Variants in TEP1 observed in about 807,000 individuals in gnomAD.
The protein encoded by TEP1 is telomerase protein component 1.
Under a neutral mutation model 306.3 loss-of-function variants are expected in TEP1, and 241 were observed. The observed-to-expected ratio is 0.79, with a 90% confidence interval of 0.71 to 0.88. The LOEUF (loss-of-function observed/expected upper bound fraction) is 0.88, where lower values mean the gene tolerates loss of function less well. Among genes scored for constraint, TEP1 ranks in the 40% least tolerant of loss-of-function variants. The pLI is 0.00. For missense variants in TEP1, 3,051 were observed against 3,276.1 expected (o/e 0.93, Z 1.68); for synonymous variants, 1,289 against 1,305.5 (o/e 0.99, Z 0.27).
intron 1 of TEP1, among the ~76,000 whole-genome samples, chr14:20,410,006 G>A (rs1321569038): frequency 1.1e-5 from 1 of 93,750 alleles, no homozygotes; most frequent in Non-Finnish European, 2.0e-5. Flanking sequence ...GGGCGACAGA[G>A]CAAGACTCTG....
intron 51 of TEP1, among the ~76,000 whole-genome samples, chr14:20,370,881 T>G (rs1007737143): frequency 6.6e-6 from 1 of 152,220 alleles, no homozygotes; most frequent in African/African-American, 2.4e-5. Context: ...CTGCTAAGTA[T>G]GATGACAAAA....
rs1194836455 is a variant in TEP1, at chr14:20,380,283, T to C, written c.4955A>G (p.His1652Arg). The C allele has an allele frequency of 1.9e-6, 3 of 1,614,154 alleles. No homozygotes were observed. ...SLLSRRWHLQ[H>R]TLRWLNKPRT... Reference sequence around the variant, plus strand: ...GGGTTTATTAAGCCATCGTAGTGTGTGTTGGAGGTGCCATCTCCGGGAGAG... The same window carrying C: ...GGGTTTATTAAGCCATCGTAGTGTGCGTTGGAGGTGCCATCTCCGGGAGAG... Residue 1652 changes from histidine to arginine, a missense_variant, in exon 34 of 55, where the codon CAC becomes CGC. By Grantham distance (29) the His-to-Arg change is conservative. Around this residue, in one of 3 missense-constraint regions of TEP1, gnomAD observed 1,540 missense variants for 1,705.9 expected, o/e 0.90. Transcript: ENST00000262715.
Position 20,378,317 on chromosome 14 carries a change from G to A in TEP1, c.5508+63C>T, listed in dbSNP as rs111273734. The A allele has an allele frequency of 5.9e-4, 953 of 1,611,382 alleles. 5 individuals carry two copies. The African/African-American group carries it at 0.011, about 18-fold the overall frequency. On this transcript the variant is annotated intron_variant, in intron 38 of 54. Transcript: ENST00000262715. ...GTGACCCAGAATGCTGCTGTCTGTC[G>A]TCTGCCACCCTCCACTCCTGTCCTC... is the stretch of plus-strand genomic sequence containing the variant.
At chr14:20,372,063 T>A (rs1424502087) in intron 49 of TEP1, among the ~76,000 whole-genome samples, 1 of 152,220 alleles carries the variant, frequency 6.6e-6, no homozygotes, top group Non-Finnish European at 1.5e-5. Flanking sequence ...GTTCTCTTTA[T>A]AAAATCCAGA....
chr14:20,382,586 A>C, intron 28 of TEP1, 37 bp downstream of exon 28: 1 of 1,607,298 alleles, frequency 6.2e-7, no homozygotes, highest in Non-Finnish European at 8.5e-7. Flanking sequence ...GAGAATGGGA[A>C]GTAGTGATTA....
rs1285757810 is a variant in TEP1, at chr14:20,380,368, G to C, written c.4870C>G (p.Leu1624Val). 1.2e-6 allele frequency: 2 copies of C among 1,614,224 alleles called. No homozygotes were observed. The highest frequency in any genetic ancestry group is 1.7e-6 in the Non-Finnish European group (2 of 1,180,044). Residue 1624 changes from leucine to valine, a missense_variant, in exon 34 of 55, where the codon CTG becomes GTG. Leu to Val is a conservative substitution (Grantham distance 32, BLOSUM62 1). Around this residue, in one of 3 missense-constraint regions of TEP1, gnomAD observed 1,540 missense variants for 1,705.9 expected, o/e 0.90. Coordinates refer to ENST00000262715, the MANE Select transcript of TEP1 (RefSeq NM_007110.5). ...GGCTGGTTGGCTGCCTGCTGGGGCA[G>C]GAGCCGGGGGTACTGGCTGAGGATT... ...ASILSQYPRLLPQQAANQPLD... is the reference protein window; with the variant it reads ...ASILSQYPRLVPQQAANQPLD...
intron 12 of TEP1, among the ~76,000 whole-genome samples, chr14:20,393,814 G>A (rs1877947126): frequency 6.6e-6 from 1 of 151,552 alleles, no homozygotes; most frequent in Non-Finnish European, 1.5e-5. Context: ...AGGGTGCTTA[G>A]CTAATGCCTA....
chr14:20,396,163 C>G (rs1878190867), intron 10 of TEP1, among the ~76,000 whole-genome samples: 1 of 152,142 alleles, frequency 6.6e-6, no homozygotes, highest in South Asian at 2.1e-4. Context: ...AGAAGGAGCC[C>G]CGTTTCTTTT....
chr14:20,404,668 A>G lies in TEP1; in HGVS notation c.975T>C (p.Tyr325=). The change falls in exon 5 of 55, where the codon TAT becomes TAC. Residue 325 remains tyrosine, a synonymous_variant. Coordinates refer to ENST00000262715, the MANE Select transcript of TEP1 (RefSeq NM_007110.5). ...LPACRPHLRR[Y]FCAIVQLPSD... Reference sequence around the variant, plus strand: ...AAGGCAGCTGGACAATGGCACAGAAATATCGTCGCAGGTGGGGGCGACACG... The same window carrying G: ...AAGGCAGCTGGACAATGGCACAGAAGTATCGTCGCAGGTGGGGGCGACACG... 1 of 1,614,212 alleles carries G rather than the reference A, an allele frequency of 6.2e-7. No homozygotes were observed. Among genetic ancestry groups the G allele is most frequent in the Non-Finnish European group, 8.5e-7 (1 of 1,180,032 alleles).
chr14:20,393,375 C>G (rs184653018), intron 12 of TEP1, among the ~76,000 whole-genome samples: 1 of 152,100 alleles, frequency 6.6e-6, no homozygotes, highest in Admixed American at 6.5e-5. Flanking sequence ...GTAGTCTTCC[C>G]AGCACTATCC....
intron 2 of TEP1, among the ~76,000 whole-genome samples, chr14:20,407,425 C>T (rs1192545279): frequency 6.6e-6 from 1 of 152,190 alleles, no homozygotes; most frequent in Non-Finnish European, 1.5e-5. Flanking sequence ...GTGACACAAT[C>T]TCGCCTCCCG....
chr14:20,400,868 C>G, intron 9 of TEP1, 116 bp downstream of exon 9: 1 of 1,303,930 alleles, frequency 7.7e-7, no homozygotes, highest in South Asian at 1.5e-5. Flanking sequence ...TCAAATACAA[C>G]AACCAGGCAA....
intron 20 of TEP1, 98 bp from the exon 21 acceptor site, chr14:20,385,207 C>T (rs1877028124): frequency 1.4e-6 from 2 of 1,468,904 alleles, no homozygotes; most frequent in Non-Finnish European, 1.9e-6. Context: ...TCTGATGTTC[C>T]TCTCTCCTTC....
rs752490785 is a variant in TEP1 at position 20,376,272 on chromosome 14, G to A, written c.6089-8C>T. The A allele has an allele frequency of 1.2e-6, 2 of 1,605,936 alleles. No homozygotes were observed. The highest frequency in any genetic ancestry group is 4.5e-5 in the East Asian group (2 of 44,792). On this transcript the variant is annotated splice_polypyrimidine_tract_variant and splice_region_variant and intron_variant, in intron 41 of 54. Transcript: ENST00000262715. ...GCTGCACTGTGAAATCCTCTGCATT[G>A]GAAAAAGAGAGAGGGAACAGCTTCC...
intron 12 of TEP1, 61 bp from the exon 13 acceptor site, chr14:20,391,828 ACGGGGAGATGAGAAGTTGCCAC>A: frequency 6.3e-7 from 1 of 1,575,486 alleles, no homozygotes; most frequent in African/African-American, 1.4e-5. Flanking sequence ...TTAGAGGCAG[ACGGGGAGATGAGAAGTTGCCAC>A]TAAGTATTGA....
chr14:20,384,688 C>T lies in TEP1; in HGVS notation c.3133G>A (p.Asp1045Asn), dbSNP rs991097270. ...LSSVPDAWKSDFVSESEEAAR... is the reference protein window; with the variant it reads ...LSSVPDAWKSNFVSESEEAAR... ...GCCTCTTCAGACTCAGAAACAAAGT[C>T]AGATTTCCAGGCATCTGGCACAGAG... The change falls in exon 22 of 55, where the codon GAC (aspartate) becomes AAC (asparagine). Residue 1045 changes from aspartate (D) to asparagine (N), a missense_variant. Around this residue, in one of 3 missense-constraint regions of TEP1, gnomAD observed 1,507 missense variants for 1,550.5 expected, o/e 0.97. Transcript: ENST00000262715. The T allele has an allele frequency of 1.9e-6, 3 of 1,612,406 alleles. No homozygotes were observed. Among genetic ancestry groups the T allele is most frequent in the Non-Finnish European group, 2.5e-6 (3 of 1,180,028 alleles).
rs1230978471 is a variant in TEP1 at position 20,385,070 on chromosome 14, C to G, written c.3022G>C (p.Glu1008Gln). The G allele has an allele frequency of 1.2e-6, 2 of 1,614,126 alleles. No homozygotes were observed. The highest frequency in any genetic ancestry group is 3.3e-5 in the Admixed American group (2 of 60,026). The change falls in exon 21 of 55, where the codon GAG becomes CAG. Residue 1008 changes from glutamate (E) to glutamine (Q), a missense_variant. Coordinates refer to ENST00000262715, the MANE Select transcript of TEP1 (RefSeq NM_007110.5). ...TTCCGGTTCAGGAACTGCATCACCT[C>G]CATCTCTGTCACAGAGCGCCCTGAA... ...YPSGRSVTEM[E>Q]VMQFLNRNQR...
Position 20,373,355 on chromosome 14 carries a change from A to T in TEP1, c.6729T>A (p.Ala2243=). ...GGCCTGAGGTTTCTGAAACAGCAGC[A>T]GCACGGACTGGGCCGCTGTGTCCCA... ...TLLGHSGPVR[A]AAVSETSGLM... The change falls in exon 47 of 55, where the codon GCT becomes GCA. Residue 2243 remains alanine, a synonymous_variant. Transcript: ENST00000262715. 5.6e-6 allele frequency: 9 copies of T among 1,614,220 alleles called. No individual in the cohort carries two copies. The highest frequency in any genetic ancestry group is 7.6e-6 in the Non-Finnish European group (9 of 1,180,042).
In TEP1 at chr14:20,383,637, C is replaced by G. The variant is rs1243581106; in HGVS notation, c.3718G>C (p.Val1240Leu). ...AGCAGCCTCTGCTGCAGCTCCCACA[C>G]CAGGCTTCTGTACATGGAGAGGAAG... ...GALPSTYRSL[V>L]WELQQRLLPK... The change falls in exon 26 of 55, where the codon GTG becomes CTG. Residue 1240 changes from valine to leucine, a missense_variant. Val to Leu is a conservative substitution (Grantham distance 32, BLOSUM62 1). Around this residue, in one of 3 missense-constraint regions of TEP1, gnomAD observed 1,507 missense variants for 1,550.5 expected, o/e 0.97. Coordinates refer to ENST00000262715, the MANE Select transcript of TEP1 (RefSeq NM_007110.5). 1 of 1,613,340 alleles carries G rather than the reference C, an allele frequency of 6.2e-7. No homozygotes were observed. The highest frequency in any genetic ancestry group is 1.7e-5 in the Admixed American group (1 of 59,898).
Sources: gnomAD v4.1 joint callset for allele counts (sites outside exome capture counted in the v4.1 genomes callset) on GRCh38, gnomAD v4.1.1 for gene constraint, gnomAD v4.1.1 regional missense constraint, MANE v1.5 for transcripts, NCBI Gene and HGNC (gene_info 2026-07-23, HGNC 2026-07-21) for gene names.